Variants in TRIM33 observed in about 807,000 individuals in gnomAD.
The protein encoded by TRIM33 is E3 ubiquitin-protein ligase TRIM33.
TRIM33 carries 20 observed loss-of-function variants against 125.4 expected under a neutral mutation model. That is an observed-to-expected ratio of 0.16 (90% CI 0.11 to 0.23). TRIM33 has a LOEUF of 0.23. TRIM33 is among the 10% of genes least tolerant of loss of function. The pLI is 1.00. For missense variants in TRIM33, 920 were observed against 1,411.4 expected, an observed-to-expected ratio of 0.65 and a Z score of 5.58; for synonymous variants, 564 against 513.9, an observed-to-expected ratio of 1.10 and a Z score of -1.32.
At position 114,511,094 on chromosome 1, in the gene TRIM33, C is replaced by T; in HGVS notation, c.-18G>A. ...TCCGCCATGTTTTCCTCTTTGAACC[C>T]GCCGGACCGCCCCGCGCCGCCCGCC... On this transcript the variant is annotated 5_prime_UTR_variant, in exon 1 of 20. Coordinates refer to ENST00000358465, the MANE Select transcript of TRIM33 (RefSeq NM_015906.4). 5.1e-6 allele frequency: 6 copies of T among 1,184,078 alleles called. No individual in the cohort carries two copies. Among genetic ancestry groups the T allele is most frequent in the Non-Finnish European group, 6.3e-6 (6 of 959,940 alleles). 73.3% of individuals were successfully genotyped at this position (1,184,078 alleles called of 1,614,324 possible). A position where few individuals can be genotyped will look rare whatever the true frequency, so the allele number is the denominator to read the frequency against.
intron 4 of TRIM33, among the ~76,000 whole-genome samples, chr1:114,439,909 C>T (rs1218302999): frequency 6.6e-6 from 1 of 152,160 alleles, no homozygotes; most frequent in African/African-American, 2.4e-5. Context: ...AACTTTCAGC[C>T]TTGAATTATT....
chr1:114,459,110 TA>T (rs1286135973), intron 4 of TRIM33, among the ~76,000 whole-genome samples: 1 of 152,160 alleles, frequency 6.6e-6, no homozygotes, highest in African/African-American at 2.4e-5. Flanking sequence ...ATCTCTGAAA[TA>T]AGTATATTTT....
At chr1:114,398,662 T>C (rs1651682952) in intron 18 of TRIM33, among the ~76,000 whole-genome samples, 2 of 151,948 alleles carry the variant, frequency 1.3e-5, no homozygotes, top group South Asian at 4.1e-4. Flanking sequence ...CAGGATCCAA[T>C]GTGATTTATT....
At chr1:114,412,188 A>G (rs1393535478) in intron 11 of TRIM33, among the ~76,000 whole-genome samples, 1 of 152,214 alleles carries the variant, frequency 6.6e-6, no homozygotes, top group East Asian at 1.9e-4. Flanking sequence ...TTTCAAATAT[A>G]TAAGCTGGCA....
At chr1:114,507,035 T>A (rs749569952) in intron 1 of TRIM33, among the ~76,000 whole-genome samples, 5 of 152,230 alleles carry the variant, frequency 3.3e-5, no homozygotes, top group Non-Finnish European at 7.3e-5. Flanking sequence ...GTCTACAATA[T>A]CCTAGTGCAA....
At chr1:114,430,757 A>C (rs1557861241) in intron 6 of TRIM33, 41 bp downstream of exon 6, 1 of 1,036,664 alleles carries the variant, frequency 9.6e-7, no homozygotes. Context: ...GCTAAAGAGC[A>C]AGAGAAGCAG....
intron 11 of TRIM33, among the ~76,000 whole-genome samples, chr1:114,410,616 A>C (rs1652521587): frequency 1.3e-5 from 2 of 152,172 alleles, no homozygotes; most frequent in Admixed American, 1.3e-4. Context: ...TTGCTGCAGG[A>C]CCTATTTATC....
At chr1:114,470,213 C>T (rs1005331470) in intron 1 of TRIM33, among the ~76,000 whole-genome samples, 1 of 152,174 alleles carries the variant, frequency 6.6e-6, no homozygotes, top group Non-Finnish European at 1.5e-5. Flanking sequence ...TACTGCTTCA[C>T]AGATGCTGAG....
chr1:114,397,412 C>T lies in TRIM33; in HGVS notation c.*236G>A, dbSNP rs1384535971. 3.8e-6 allele frequency: 2 copies of T among 522,376 alleles called. No individual in the cohort carries two copies. Among genetic ancestry groups the T allele is most frequent in the African/African-American group, 3.8e-5 (2 of 52,198 alleles). The allele number at this position is 522,376 out of a possible 1,614,324, so 32.4% of individuals were successfully genotyped here. On this transcript the variant is annotated 3_prime_UTR_variant, in exon 20 of 20. Transcript: ENST00000358465. Reference sequence around the variant, plus strand: ...GAACAGAAATCCTCAAATCATTTCACTTTTGCTTTTTGCTTTGAAACTTGC... The same window carrying T: ...GAACAGAAATCCTCAAATCATTTCATTTTTGCTTTTTGCTTTGAAACTTGC...
chr1:114,442,079 T>C (rs548315564), intron 4 of TRIM33, among the ~76,000 whole-genome samples: 8 of 152,298 alleles, frequency 5.3e-5, no homozygotes, highest in Middle Eastern at 3.4e-3. Flanking sequence ...AACTCCAAGA[T>C]AGCAAGGACA....
chr1:114,442,890 G>A (rs896445386), intron 4 of TRIM33, among the ~76,000 whole-genome samples: 3 of 151,704 alleles, frequency 2.0e-5, no homozygotes, highest in African/African-American at 7.3e-5. Context: ...TATCTAACTA[G>A]CCTGGAATAG....
intron 4 of TRIM33, among the ~76,000 whole-genome samples, chr1:114,441,172 G>T (rs1240561610): frequency 1.3e-5 from 2 of 152,180 alleles, no homozygotes; most frequent in African/African-American, 4.8e-5. Context: ...GACTGGGGGT[G>T]GTGGCACATG....
At chr1:114,501,147 G>A (rs920782801) in intron 1 of TRIM33, among the ~76,000 whole-genome samples, 1 of 58,460 alleles carries the variant, frequency 1.7e-5, no homozygotes, top group Non-Finnish European at 3.4e-5. Context: ...CCGAGATCCC[G>A]CCACTGCACT....
chr1:114,452,180 ACATCATAAACAGG>A (rs1649351145), intron 4 of TRIM33, among the ~76,000 whole-genome samples: 1 of 152,134 alleles, frequency 6.6e-6, no homozygotes, highest in Admixed American at 6.5e-5. Context: ...CAGCTAGAAA[ACATCATAAACAGG>A]CTGGGCATGG....
chr1:114,503,024 A>C (rs1652800218), intron 1 of TRIM33, among the ~76,000 whole-genome samples: 1 of 152,190 alleles, frequency 6.6e-6, no homozygotes. Flanking sequence ...CTAAGTATCT[A>C]AGAAAAGGGA....
chr1:114,472,054 C>G (rs75783406), intron 1 of TRIM33, among the ~76,000 whole-genome samples: 4,009 of 152,216 alleles, frequency 0.026, 91 homozygotes, highest in Non-Finnish European at 0.034. Flanking sequence ...GACCACAGAC[C>G]ATGCTGGAAA....
chr1:114,471,222 G>T (rs915504767), intron 1 of TRIM33, among the ~76,000 whole-genome samples: 4 of 152,188 alleles, frequency 2.6e-5, no homozygotes, highest in Non-Finnish European at 4.4e-5. Context: ...GCCGAGGTGG[G>T]CGGATGGCGA....
rs186277501 is a variant in TRIM33 at position 114,493,757 on chromosome 1, A to G, written c.526+16794T>C. 1.7e-3 allele frequency among the ~76,000 whole-genome samples: 260 copies of G among 152,218 alleles called. 1 individual carries two copies. Among genetic ancestry groups the G allele is most frequent in the South Asian group, 7.9e-3 (38 of 4,824 alleles). The stretch of plus-strand genomic sequence containing the variant: ...CACAATCACAGGTCAATGCAGCCTC[A>G]ACCTCCCCAGGTTCAAACAATCCTG... On this transcript the variant is annotated intron_variant, in intron 1 of 19. Coordinates refer to ENST00000358465, the MANE Select transcript of TRIM33 (RefSeq NM_015906.4).
rs145168623 is a variant in TRIM33 at position 114,400,499 on chromosome 1, G to A, written c.2967+890C>T. On this transcript the variant is annotated intron_variant, in intron 17 of 19. Transcript: ENST00000358465. ...ATTACAGGCATGAGCCACCATGCCCGGCCAAGAAGCTACTTTAATAGTCCA... is the reference window on the plus strand; with the variant it reads ...ATTACAGGCATGAGCCACCATGCCCAGCCAAGAAGCTACTTTAATAGTCCA... Among the ~76,000 whole-genome samples the A allele has an allele frequency of 2.8e-3, 430 of 152,266 alleles. 1 individual carries two copies. The highest frequency in any genetic ancestry group is 5.1e-3 in the African/African-American group (212 of 41,548).
Sources: gnomAD v4.1 joint callset for allele counts (sites outside exome capture counted in the v4.1 genomes callset) on GRCh38, gnomAD v4.1.1 for gene constraint, MANE v1.5 for transcripts, NCBI Gene and HGNC (gene_info 2026-07-23, HGNC 2026-07-21) for gene names.